Variants in LMO3 observed in about 807,000 individuals in gnomAD.
LMO3 encodes LIM domain only protein 3.
LMO3 carries 2 observed loss-of-function variants against 15.8 expected under a neutral mutation model. That is an observed-to-expected ratio of 0.13 (90% confidence interval 0.05 to 0.40). LMO3 has a LOEUF of 0.40. Ranked by LOEUF, LMO3 falls within the 10% of genes least tolerant of loss-of-function variation. LMO3 has a pLI of 0.99. For missense variants in LMO3, 86 were observed against 182.2 expected, an observed-to-expected ratio of 0.47 and a Z score of 3.04; for synonymous variants, 62 against 63.8, an observed-to-expected ratio of 0.97 and a Z score of 0.13.
intron 2 of LMO3, among the ~76,000 whole-genome samples, chr12:16,563,287 C>T (rs1048368472): frequency 1.4e-4 from 21 of 152,124 alleles, no homozygotes; most frequent in African/African-American, 5.1e-4. Flanking sequence ...AGAGATCATT[C>T]TATAGCTACA....
chr12:16,569,256 A>T (rs1942726276), intron 2 of LMO3, among the ~76,000 whole-genome samples: 1 of 152,192 alleles, frequency 6.6e-6, no homozygotes, highest in South Asian at 2.1e-4. Flanking sequence ...GAGAACCTAT[A>T]TCCCTTATCC....
At position 16,584,902 on chromosome 12, in the gene LMO3, C is replaced by T. The variant is rs754910598; in HGVS notation, c.206+15753G>A. On this transcript the variant is annotated intron_variant, in intron 2 of 3. Coordinates refer to ENST00000537304, the MANE Select transcript of LMO3 (RefSeq NM_018640.5). This position sits in a 1 kb window ranked among gnomAD's most constrained non-coding sequence, Gnocchi z 5.2. The stretch of plus-strand genomic sequence containing the variant: ...GAGGAAATATTTTCAAACACCTTAG[C>T]GAACTGTACACATTAAAGGGCCTGA... Among the ~76,000 whole-genome samples, 8 of 152,098 alleles carry T rather than the reference C, an allele frequency of 5.3e-5. No homozygotes were observed. Among genetic ancestry groups the T allele is most frequent in the Admixed American group, 1.3e-4 (2 of 15,272 alleles).
chr12:16,556,887 T>TA (rs1361562187), intron 3 of LMO3, among the ~76,000 whole-genome samples: 2 of 152,188 alleles, frequency 1.3e-5, no homozygotes, highest in Non-Finnish European at 2.9e-5. Flanking sequence ...GCACTAAAGA[T>TA]ATGCAGTCCC....
rs895424353 is a variant in LMO3, at chr12:16,596,520, C to T, written c.206+4135G>A. Among the ~76,000 whole-genome samples the T allele has an allele frequency of 2.0e-5, 3 of 151,536 alleles. No homozygotes were observed. Among genetic ancestry groups the T allele is most frequent in the Non-Finnish European group, 4.4e-5 (3 of 67,598 alleles). ...GCTTAAAGTACGTCACAAAAAGTTGCAGGTTCAAAGAAAGAACAACAAAAA... is the reference window on the plus strand; with the variant it reads ...GCTTAAAGTACGTCACAAAAAGTTGTAGGTTCAAAGAAAGAACAACAAAAA... On this transcript the variant is annotated intron_variant, in intron 2 of 3. Transcript: ENST00000537304. The surrounding 1 kb of genome is among the most constrained non-coding windows in gnomAD (Gnocchi z 4.3).
chr12:16,554,771 C>T (rs1942125412), intron 3 of LMO3, among the ~76,000 whole-genome samples: 1 of 152,344 alleles, frequency 6.6e-6, no homozygotes, highest in South Asian at 2.1e-4. Context: ...ATTCTCCTGC[C>T]TCAGCCTCCC....
intron 1 of LMO3, chr12:16,602,159 C>T (rs978561176): frequency 1.3e-5 from 2 of 152,208 alleles, no homozygotes; most frequent in African/African-American, 4.8e-5. Flanking sequence ...TTTAAACTTG[C>T]ATGTAGAAGG....
Position 16,560,622 on chromosome 12 carries a change from T to C in LMO3, c.207-84A>G. 1.6e-6 allele frequency: 2 copies of C among 1,223,152 alleles called. No individual in the cohort carries two copies. Among genetic ancestry groups the C allele is most frequent in the Non-Finnish European group, 1.2e-6 (1 of 857,520 alleles). The allele number at this position is 1,223,152 out of a possible 1,614,324, so 75.8% of individuals were successfully genotyped here. ...GAAGAGAGATGATGTTAATATACTC[T>C]GTAAAGCTACAATACACAATGCTTT... On this transcript the variant is annotated intron_variant, in intron 2 of 3. Transcript: ENST00000537304. The surrounding 1 kb of genome is among the most constrained non-coding windows in gnomAD (Gnocchi z 5.0).
Position 16,606,013 on chromosome 12 carries a change from G to GAC in LMO3, c.-9+51_-9+52dup, listed in dbSNP as rs1943984693. ...CCGCACACGCACGCGCGCACCCGCA[G>GAC]ACACACACACCACAAATAAGCCGAC... On this transcript the variant is annotated intron_variant, in intron 1 of 3. Coordinates refer to ENST00000537304, the MANE Select transcript of LMO3 (RefSeq NM_018640.5). 3 of 607,628 alleles carry GAC rather than the reference G, an allele frequency of 4.9e-6. No individual in the cohort carries two copies. The African/African-American group carries it at 5.6e-5, about 11-fold the overall frequency. 37.6% of individuals were successfully genotyped at this position (607,628 alleles called of 1,614,324 possible).
In LMO3 at chr12:16,549,696, G is replaced by A. The variant is rs1375855005; in HGVS notation, c.*1526C>T. On this transcript the variant is annotated 3_prime_UTR_variant, in exon 4 of 4. Coordinates refer to ENST00000537304, the MANE Select transcript of LMO3 (RefSeq NM_018640.5). ...TTGCTGTAGTGAAAATATGGTTAAC[G>A]GTGCCGTGCAAAATTAGATTTGTTG... The A allele has an allele frequency of 2.6e-5, 4 of 152,080 alleles. No individual in the cohort carries two copies. The highest frequency in any genetic ancestry group is 3.9e-4 in the East Asian group (2 of 5,184). The allele number at this position is 152,080 out of a possible 1,614,324, so 9.4% of individuals were successfully genotyped here.
Position 16,586,081 on chromosome 12 carries a change from TA to T in LMO3, c.206+14573del, listed in dbSNP as rs1341709879. On this transcript the variant is annotated intron_variant, in intron 2 of 3. Coordinates refer to ENST00000537304, the MANE Select transcript of LMO3 (RefSeq NM_018640.5). The surrounding 1 kb of genome is among the most constrained non-coding windows in gnomAD (Gnocchi z 4.3). ...AGCAAAACCTTGATGTACAATTCCA[TA>T]AAAATTTTTGAGGGGCCAAAACAAT... Among the ~76,000 whole-genome samples, 1 of 152,070 alleles carries T rather than the reference TA, an allele frequency of 6.6e-6. No homozygotes were observed. The highest frequency in any genetic ancestry group is 2.4e-5 in the African/African-American group (1 of 41,408).
At chr12:16,575,502 A>G (rs1253367497) in intron 2 of LMO3, among the ~76,000 whole-genome samples, 1 of 152,122 alleles carries the variant, frequency 6.6e-6, no homozygotes, top group Non-Finnish European at 1.5e-5. Context: ...ATGTTTATTG[A>G]GCCCTGTCTC....
At chr12:16,568,308 T>C (rs1243101399) in intron 2 of LMO3, among the ~76,000 whole-genome samples, 1 of 152,184 alleles carries the variant, frequency 6.6e-6, no homozygotes, top group East Asian at 1.9e-4. Context: ...TGATTCAAAA[T>C]AGATTGTTTT....
chr12:16,604,811 G>A lies in LMO3; in HGVS notation c.-9+1255C>T. On this transcript the variant is annotated intron_variant, in intron 1 of 3. Coordinates refer to ENST00000537304, the MANE Select transcript of LMO3 (RefSeq NM_018640.5). This position sits in a 1 kb window ranked among gnomAD's most constrained non-coding sequence, Gnocchi z 5.3. ...CGGAAAAGCAGAAAGGCTTTTGAGC[G>A]GCCAGGAGTGCAGAGCGCCAGCAAA... 9 of 1,574,920 alleles carry A rather than the reference G, an allele frequency of 5.7e-6. No homozygotes were observed. The highest frequency in any genetic ancestry group is 7.8e-6 in the Non-Finnish European group (9 of 1,158,718).
chr12:16,578,976 T>C (rs1420739478), intron 2 of LMO3, among the ~76,000 whole-genome samples: 2 of 152,222 alleles, frequency 1.3e-5, no homozygotes, highest in Non-Finnish European at 2.9e-5. Flanking sequence ...ATGAAGTATA[T>C]TGCATTGTTA....
intron 2 of LMO3, chr12:16,567,588 G>T (rs1284285457): frequency 6.6e-6 from 1 of 152,204 alleles, no homozygotes; most frequent in African/African-American, 2.4e-5. Context: ...TAGAGGGTGA[G>T]CAGAAGCCTC....
intron 3 of LMO3, among the ~76,000 whole-genome samples, chr12:16,551,890 T>A (rs997712520): frequency 1.3e-5 from 2 of 152,018 alleles, no homozygotes; most frequent in Non-Finnish European, 2.9e-5. Context: ...AAAGTTGCTC[T>A]AGCATCAGAT....
chr12:16,608,201 T>C (rs1944066483), upstream of LMO3: 1 of 142,678 alleles, frequency 7.0e-6, no homozygotes, highest in African/African-American at 2.6e-5. This position sits in a 1 kb window ranked among gnomAD's most constrained non-coding sequence, Gnocchi z 4.1. Flanking sequence ...TCTCAGCCAA[T>C]GCACTGAGAA....
In LMO3 at chr12:16,593,224, A is replaced by AT. The variant is rs755114974; in HGVS notation, c.206+7430dup. The stretch of plus-strand genomic sequence containing the variant: ...TTAGTGATAACAATTTTACTTAAAT[A>AT]TTGCTTTGGTGTGCTCTTCTGCAAA... On this transcript the variant is annotated intron_variant, in intron 2 of 3. Transcript: ENST00000537304. This position sits in a 1 kb window ranked among gnomAD's most constrained non-coding sequence, Gnocchi z 4.2. Among the ~76,000 whole-genome samples the AT allele has an allele frequency of 2.0e-5, 3 of 151,888 alleles. No individual in the cohort carries two copies. The highest frequency in any genetic ancestry group is 4.4e-5 in the Non-Finnish European group (3 of 67,846).
upstream of LMO3, among the ~76,000 whole-genome samples, chr12:16,608,392 T>C (rs990915240): frequency 1.3e-5 from 2 of 152,196 alleles, no homozygotes; most frequent in African/African-American, 4.8e-5. This position sits in a 1 kb window ranked among gnomAD's most constrained non-coding sequence, Gnocchi z 4.1. Flanking sequence ...CTGTAATTCA[T>C]GGCAACTGAT....
Sources: gnomAD v4.1 joint callset for allele counts (sites outside exome capture counted in the v4.1 genomes callset) on GRCh38, gnomAD v4.1.1 for gene constraint, Gnocchi (gnomAD v3.1) non-coding constraint, MANE v1.5 for transcripts, NCBI Gene and HGNC (gene_info 2026-07-23, HGNC 2026-07-21) for gene names.